Variants in BMP6 observed in about 807,000 individuals in gnomAD.
BMP6 encodes bone morphogenetic protein 6.
A neutral mutation model predicts 54.1 loss-of-function variants in BMP6; 17 were observed. That is an observed-to-expected ratio of 0.31 (90% CI 0.22 to 0.47). The LOEUF (loss-of-function observed/expected upper bound fraction) is 0.47. BMP6 is among the 20% of genes least tolerant of loss of function. BMP6 has a pLI of 1.00. For missense variants in BMP6, 720 were observed against 690.4 expected (o/e 1.04, Z -0.48); for synonymous variants, 328 against 291.2 (o/e 1.13, Z -1.28).
intron 1 of BMP6, among the ~76,000 whole-genome samples, chr6:7,737,448 C>T (rs1041758544): frequency 6.6e-6 from 1 of 152,052 alleles, no homozygotes; most frequent in Non-Finnish European, 1.5e-5. Context: ...ATGCATGGAG[C>T]AGGCCTTTGC....
chr6:7,780,589 C>T (rs1757928285), intron 1 of BMP6, among the ~76,000 whole-genome samples: 1 of 151,316 alleles, frequency 6.6e-6, no homozygotes, highest in Admixed American at 6.6e-5. Context: ...ACTTAAATTT[C>T]TTTTAATCCT....
intron 4 of BMP6, among the ~76,000 whole-genome samples, chr6:7,873,150 G>A (rs1463686888): frequency 6.6e-6 from 1 of 152,142 alleles, no homozygotes; most frequent in Non-Finnish European, 1.5e-5. Flanking sequence ...AGGCCCAAGT[G>A]AAAGGGCAAG....
chr6:7,823,796 G>A (rs372723451), intron 1 of BMP6, among the ~76,000 whole-genome samples: 1 of 152,218 alleles, frequency 6.6e-6, no homozygotes, highest in East Asian at 1.9e-4. Context: ...CTGCTGAGAA[G>A]CTGCATCAGT....
At position 7,879,167 on chromosome 6, in the gene BMP6, CG is replaced by C; in HGVS notation, c.1281+22del. ...GGATGGCAGGTGAGTTCTCTGGACA[CG>C]GGGGATAAAGGTCCTTTCTCAGCAG... On this transcript the variant is annotated intron_variant, in intron 5 of 6. Coordinates refer to ENST00000283147, the MANE Select transcript of BMP6 (RefSeq NM_001718.6). The C allele has an allele frequency of 6.2e-7, 1 of 1,605,512 alleles. No individual in the cohort carries two copies. Among genetic ancestry groups the C allele is most frequent in the Non-Finnish European group, 8.5e-7 (1 of 1,172,166 alleles).
At chr6:7,781,173 G>T (rs1242606176) in intron 1 of BMP6, among the ~76,000 whole-genome samples, 2 of 152,176 alleles carry the variant, frequency 1.3e-5, no homozygotes, top group Non-Finnish European at 2.9e-5. Context: ...GTAGCCAAGA[G>T]ACTGTTTATA....
At position 7,880,891 on chromosome 6, in the gene BMP6, TCA is replaced by T. The variant is rs1382554795; in HGVS notation, c.*549_*550del. 6.4e-6 allele frequency: 1 copy of T among 155,762 alleles called. No homozygotes were observed. Among genetic ancestry groups the T allele is most frequent in the African/African-American group, 2.4e-5 (1 of 41,588 alleles). The allele number at this position is 155,762 out of a possible 1,614,324, so 9.6% of individuals were successfully genotyped here. On this transcript the variant is annotated 3_prime_UTR_variant, in exon 7 of 7. Coordinates refer to ENST00000283147, the MANE Select transcript of BMP6 (RefSeq NM_001718.6). ...CAGGGCTCCACGGGGCGCCCTTGTCTCAGTCATTGCTGTTGTATGTTCGTGCT... is the reference window on the plus strand; with the variant it reads ...CAGGGCTCCACGGGGCGCCCTTGTCTGTCATTGCTGTTGTATGTTCGTGCT...
intron 4 of BMP6, among the ~76,000 whole-genome samples, chr6:7,875,397 G>A (rs2326992): frequency 0.13 from 19,585 of 152,124 alleles, 1,324 homozygotes; most frequent in African/African-American, 0.15. Flanking sequence ...CTTAACAGTT[G>A]CCAGACTCAG....
At chr6:7,816,855 G>A (rs1157143682) in intron 1 of BMP6, among the ~76,000 whole-genome samples, 1 of 151,874 alleles carries the variant, frequency 6.6e-6, no homozygotes, top group Non-Finnish European at 1.5e-5. Context: ...TGCTACGTAG[G>A]CAGAAGTTAT....
At chr6:7,879,677 C>T (rs1040936950) in intron 5 of BMP6, among the ~76,000 whole-genome samples, 3 of 152,094 alleles carry the variant, frequency 2.0e-5, no homozygotes, top group South Asian at 2.1e-4. Context: ...GCACTACTTC[C>T]GCAGGAGCAC....
rs890870907 is a variant in BMP6 at position 7,856,751 on chromosome 6, T to C, written c.858-4700T>C. ...AGCTGGGACTACAGGCGCCCGCCAC[T>C]ACGCCCGGCTAATTTTTTGTATTTT... is the stretch of plus-strand genomic sequence containing the variant. On this transcript the variant is annotated intron_variant, in intron 2 of 6. Transcript: ENST00000283147. 5.3e-5 allele frequency among the ~76,000 whole-genome samples: 8 copies of C among 149,972 alleles called. No individual in the cohort carries two copies. In the South Asian group the frequency reaches 8.6e-4, roughly 16 times the overall value.
intron 1 of BMP6, among the ~76,000 whole-genome samples, chr6:7,826,722 C>CTTTT (rs1259540613): frequency 6.6e-6 from 1 of 152,156 alleles, no homozygotes; most frequent in African/African-American, 2.4e-5. Context: ...CAGAGCAAAG[C>CTTTT]GTCTGCTGCA....
chr6:7,874,326 G>C (rs1759572822), intron 4 of BMP6, among the ~76,000 whole-genome samples: 2 of 152,226 alleles, frequency 1.3e-5, no homozygotes, highest in African/African-American at 4.8e-5. Context: ...CCGCCACATG[G>C]TTGTTCCTGG....
intron 1 of BMP6, among the ~76,000 whole-genome samples, chr6:7,801,780 A>G (rs982765315): frequency 6.6e-6 from 1 of 152,230 alleles, no homozygotes; most frequent in Admixed American, 6.5e-5. Context: ...GAACTGAGAC[A>G]TGGGGGTGCT....
At chr6:7,834,198 T>C (rs920391295) in intron 1 of BMP6, among the ~76,000 whole-genome samples, 6 of 151,508 alleles carry the variant, frequency 4.0e-5, no homozygotes, top group African/African-American at 1.2e-4. Flanking sequence ...TTTTTTTTTT[T>C]TTTTTTTAGG....
At chr6:7,788,454 G>T (rs180932651) in intron 1 of BMP6, among the ~76,000 whole-genome samples, 1 of 152,150 alleles carries the variant, frequency 6.6e-6, no homozygotes, top group Non-Finnish European at 1.5e-5. Context: ...TTCAAATCCT[G>T]TCTTCTATGT....
At chr6:7,802,595 T>G (rs2113199531) in intron 1 of BMP6, among the ~76,000 whole-genome samples, 1 of 152,284 alleles carries the variant, frequency 6.6e-6, no homozygotes, top group East Asian at 1.9e-4. Flanking sequence ...TTTGATGGGC[T>G]TGCATCAGGG....
intron 4 of BMP6, among the ~76,000 whole-genome samples, chr6:7,870,952 C>CCGAAGGGA (rs1759514928): frequency 6.6e-6 from 1 of 152,214 alleles, no homozygotes; most frequent in Admixed American, 6.5e-5. Context: ...TAGAGTTCAT[C>CCGAAGGGA]TCCATCCCCG....
At chr6:7,781,503 G>T (rs758224610) in intron 1 of BMP6, among the ~76,000 whole-genome samples, 21 of 151,402 alleles carry the variant, frequency 1.4e-4, no homozygotes, top group Non-Finnish European at 2.5e-4. Context: ...GAGTATGATG[G>T]CCTTTAGCAT....
At chr6:7,806,528 G>A (rs913393326) in intron 1 of BMP6, among the ~76,000 whole-genome samples, 2 of 151,790 alleles carry the variant, frequency 1.3e-5, no homozygotes, top group African/African-American at 4.8e-5. Context: ...GTATTCTATT[G>A]GCTATTGATG....
Sources: gnomAD v4.1 joint callset for allele counts (sites outside exome capture counted in the v4.1 genomes callset) on GRCh38, gnomAD v4.1.1 for gene constraint, MANE v1.5 for transcripts, NCBI Gene and HGNC (gene_info 2026-07-23, HGNC 2026-07-21) for gene names.